Variants in CCDC7 observed in about 807,000 individuals in gnomAD.
The protein encoded by CCDC7 is coiled-coil domain containing 7.
In CCDC7, 183 loss-of-function variants were observed where a neutral mutation model predicts 196.9. The observed-to-expected ratio is 0.93, with a 90% CI of 0.82 to 1.05. CCDC7 has a LOEUF of 1.05. CCDC7 is among the 50% of genes least tolerant of loss of function. The pLI is 0.00. For missense variants in CCDC7, 1,540 were observed against 1,482.2 expected (o/e 1.04, Z -0.64); for synonymous variants, 525 against 484.6 (o/e 1.08, Z -1.10).
intron 35 of CCDC7, 106 bp from the exon 37 acceptor site, chr10:32,845,770 C>CAT: frequency 1.7e-6 from 1 of 587,080 alleles, no homozygotes; most frequent in Non-Finnish European, 2.6e-6. Flanking sequence ...TCCATAATTA[C>CAT]ACACACACAC....
chr10:32,823,204 G>GCAAT (rs1164665328), intron 31 of CCDC7, among the ~76,000 whole-genome samples: 1 of 151,482 alleles, frequency 6.6e-6, no homozygotes, highest in African/African-American at 2.4e-5. Context: ...GTACAGTGAT[G>GCAAT]CAATCTTGGC....
intron 30 of CCDC7, among the ~76,000 whole-genome samples, chr10:32,811,455 T>C (rs992534412): frequency 6.6e-6 from 1 of 152,002 alleles, no homozygotes; most frequent in Non-Finnish European, 1.5e-5. Flanking sequence ...TAAGAAGAAA[T>C]AGAAAATCTG....
At chr10:32,593,492 G>T (rs1218027579) in intron 18 of CCDC7, among the ~76,000 whole-genome samples, 2 of 152,178 alleles carry the variant, frequency 1.3e-5, no homozygotes, top group African/African-American at 4.8e-5. Context: ...CTCCCATTCT[G>T]TAGGTTGCCT....
Position 32,642,432 on chromosome 10 carries a change from C to T in CCDC7, c.2014+7274C>T, listed in dbSNP as rs1420067112. Among the ~76,000 whole-genome samples, 5 of 152,210 alleles carry T rather than the reference C, an allele frequency of 3.3e-5. No individual in the cohort carries two copies. The East Asian group carries it at 5.8e-4, about 18-fold the overall frequency. ...CTAGCAATGAGCGAGGCTCCGTGGG[C>T]GTAGGACCCTCCGAGCCAGGTGCGG... On this transcript the variant is annotated intron_variant, in intron 20 of 41. Transcript: ENST00000639629.
intron 9 of CCDC7, chr10:32,511,571 A>G: frequency 6.2e-7 from 1 of 1,606,596 alleles, no homozygotes; most frequent in Non-Finnish European, 8.5e-7. Flanking sequence ...TGCAGAAACC[A>G]AATCCACTTT....
chr10:32,701,522 C>T (rs2078722285), intron 24 of CCDC7, among the ~76,000 whole-genome samples: 2 of 152,096 alleles, frequency 1.3e-5, no homozygotes, highest in African/African-American at 2.4e-5. Context: ...CAGGATGATG[C>T]TGGCCTCATA....
At chr10:32,721,598 C>T (rs1397259142) in intron 25 of CCDC7, among the ~76,000 whole-genome samples, 1 of 152,058 alleles carries the variant, frequency 6.6e-6, no homozygotes, top group Admixed American at 6.6e-5. Context: ...CCAATAGTCC[C>T]TGGGACTTCT....
chr10:32,539,690 C>G (rs1347769333), intron 11 of CCDC7, among the ~76,000 whole-genome samples: 1 of 152,078 alleles, frequency 6.6e-6, no homozygotes, highest in Non-Finnish European at 1.5e-5. Context: ...TAGTTGTGTA[C>G]TAGATTTTCT....
chr10:32,619,402 T>C (rs2063130792), intron 18 of CCDC7, among the ~76,000 whole-genome samples: 1 of 152,038 alleles, frequency 6.6e-6, no homozygotes, highest in Non-Finnish European at 1.5e-5. Flanking sequence ...ATTAAAATTA[T>C]GATGAAAAAG....
At chr10:32,507,925 G>A (rs116163167) in intron 9 of CCDC7, among the ~76,000 whole-genome samples, 1 of 151,996 alleles carries the variant, frequency 6.6e-6, no homozygotes, top group African/African-American at 2.4e-5. Flanking sequence ...ACACTCAGTG[G>A]TGAATAGTTG....
At chr10:32,474,190 C>A in intron 8 of CCDC7, 167 bp downstream of exon 9, 3 of 221,998 alleles carry the variant, frequency 1.4e-5, no homozygotes, top group Non-Finnish European at 2.6e-5. Flanking sequence ...GTTAAGGATA[C>A]GTGTTACTGA....
At chr10:32,753,644 T>C (rs2075984376) in intron 28 of CCDC7, among the ~76,000 whole-genome samples, 1 of 152,146 alleles carries the variant, frequency 6.6e-6, no homozygotes, top group African/African-American at 2.4e-5. Flanking sequence ...TTAAAGTATA[T>C]AATGAGATAG....
At chr10:32,487,042 T>G (rs1394590682) in intron 8 of CCDC7, among the ~76,000 whole-genome samples, 1 of 152,192 alleles carries the variant, frequency 6.6e-6, no homozygotes, top group African/African-American at 2.4e-5. Context: ...TTGGCCTGCC[T>G]TGCTAGATTG....
chr10:32,695,352 CAG>C (rs1180175988), intron 24 of CCDC7, among the ~76,000 whole-genome samples: 1 of 152,122 alleles, frequency 6.6e-6, no homozygotes, highest in Non-Finnish European at 1.5e-5. Context: ...AATTGGCAAA[CAG>C]AGAGATTGGT....
At chr10:32,746,230 C>A (rs534939395) in intron 28 of CCDC7, among the ~76,000 whole-genome samples, 1 of 152,258 alleles carries the variant, frequency 6.6e-6, no homozygotes, top group Non-Finnish European at 1.5e-5. Context: ...CTGCACAGGG[C>A]TGCCAAGCAT....
intron 18 of CCDC7, among the ~76,000 whole-genome samples, chr10:32,614,380 G>A (rs1199701212): frequency 6.6e-6 from 1 of 151,788 alleles, no homozygotes; most frequent in South Asian, 2.1e-4. Context: ...ACAGCAATGG[G>A]TATTGACTCC....
chr10:32,828,966 G>A (rs1446220892), intron 32 of CCDC7, among the ~76,000 whole-genome samples: 5 of 152,146 alleles, frequency 3.3e-5, no homozygotes, highest in South Asian at 2.1e-4. Context: ...AATTAAACTG[G>A]AAGTTAAGAG....
intron 21 of CCDC7, among the ~76,000 whole-genome samples, chr10:32,680,973 T>C (rs1306467485): frequency 2.6e-5 from 4 of 152,196 alleles, no homozygotes; most frequent in African/African-American, 9.6e-5. Flanking sequence ...ATAGGAACTA[T>C]TACAATGTGT....
At chr10:32,783,389 A>G (rs1176874806) in intron 29 of CCDC7, among the ~76,000 whole-genome samples, 1 of 152,234 alleles carries the variant, frequency 6.6e-6, no homozygotes, top group African/African-American at 2.4e-5. Context: ...CAAGTTGCTA[A>G]TTTGCCCTAA....
Sources: allele counts gnomAD v4.1 joint callset (sites outside exome capture counted in the v4.1 genomes callset), GRCh38; gene constraint gnomAD v4.1.1; transcripts MANE v1.5; gene names NCBI Gene and HGNC (gene_info 2026-07-23, HGNC 2026-07-21).